DCC: variants seen among roughly 807,000 people sequenced by gnomAD.
DCC encodes the protein DCC netrin 1 receptor, also known as netrin receptor DCC.
In DCC, 58 loss-of-function variants were observed where a neutral mutation model predicts 172.5. The observed-to-expected ratio is 0.34, with a 90% CI of 0.27 to 0.42. DCC has a LOEUF of 0.42. Among genes scored for constraint, DCC ranks in the 10% least tolerant of loss-of-function variants. The pLI is 1.00. For synonymous variants in DCC, 709 were observed against 644.5 expected (o/e 1.10, Z -1.52); for missense variants, 1,740 against 1,791.0 (o/e 0.97, Z 0.51).
chr18:52,924,254 T>G (rs966907972), intron 4 of DCC, among the ~76,000 whole-genome samples: 15 of 152,148 alleles, frequency 9.9e-5, no homozygotes, highest in African/African-American at 3.6e-4. Flanking sequence ...TCAGTTCAAC[T>G]GTGATAATCA....
rs894352609 is a variant in DCC, at chr18:53,254,552, G to A, written c.1911+38955G>A. ...GAAATCTACATTCCTGGGAATACTTGTCCTTCTTCCCTATTCCTAACTGGT... is the reference window on the plus strand; with the variant it reads ...GAAATCTACATTCCTGGGAATACTTATCCTTCTTCCCTATTCCTAACTGGT... On this transcript the variant is annotated intron_variant, in intron 12 of 28. Coordinates refer to ENST00000442544, the MANE Select transcript of DCC (RefSeq NM_005215.4). 1.1e-4 allele frequency among the ~76,000 whole-genome samples: 17 copies of A among 152,134 alleles called. No homozygotes were observed. The South Asian group carries it at 3.3e-3, about 30-fold the overall frequency.
At chr18:53,053,965 A>G (rs2042368626) in intron 5 of DCC, among the ~76,000 whole-genome samples, 2 of 152,110 alleles carry the variant, frequency 1.3e-5, no homozygotes, top group African/African-American at 4.8e-5. Flanking sequence ...GTGATCATAT[A>G]TTTTATATAG....
intron 1 of DCC, among the ~76,000 whole-genome samples, chr18:52,351,735 AT>A (rs543607878): frequency 2.0e-5 from 3 of 152,154 alleles, no homozygotes; most frequent in East Asian, 1.9e-4. Context: ...CTAAACCTAA[AT>A]TTTTTTTGGA....
intron 1 of DCC, among the ~76,000 whole-genome samples, chr18:52,630,750 A>G (rs1221859): frequency 0.078 from 11,882 of 152,180 alleles, 622 homozygotes; most frequent in Middle Eastern, 0.13. Context: ...TAAGACTTGG[A>G]TCAGAAGATG....
At chr18:53,499,266 A>G in intron 26 of DCC, 32 bp from the exon 27 acceptor site, 1 of 1,610,134 alleles carries the variant, frequency 6.2e-7, no homozygotes, top group Non-Finnish European at 8.5e-7. Context: ...TTGTCCAGGA[A>G]TAATGAATGA....
intron 12 of DCC, among the ~76,000 whole-genome samples, chr18:53,255,629 A>C (rs932632222): frequency 5.9e-5 from 9 of 151,840 alleles, no homozygotes; most frequent in African/African-American, 1.7e-4. Flanking sequence ...GGACATTTGG[A>C]TTGGTTCCAA....
At chr18:53,451,031 T>C (rs1191526801) in intron 23 of DCC, among the ~76,000 whole-genome samples, 1 of 152,210 alleles carries the variant, frequency 6.6e-6, no homozygotes, top group Non-Finnish European at 1.5e-5. Flanking sequence ...AATGTGTTTC[T>C]CTGTGTGCAC....
chr18:52,761,170 T>C (rs2037154186), intron 2 of DCC, among the ~76,000 whole-genome samples: 2 of 152,170 alleles, frequency 1.3e-5, no homozygotes, highest in Non-Finnish European at 2.9e-5. Context: ...AGTCACATCT[T>C]ACATGGATGG....
At chr18:52,881,279 C>T (rs1485470171) in intron 2 of DCC, among the ~76,000 whole-genome samples, 2 of 151,938 alleles carry the variant, frequency 1.3e-5, no homozygotes, top group Non-Finnish European at 2.9e-5. Context: ...GGGTAGTTTG[C>T]AAATATTTTC....
chr18:53,068,791 G>GTGTGTGTATGTGTA (rs1043901069), intron 7 of DCC, among the ~76,000 whole-genome samples: 1 of 151,472 alleles, frequency 6.6e-6, no homozygotes, highest in Non-Finnish European at 1.5e-5. Flanking sequence ...GTGTGTGTGT[G>GTGTGTGTATGTGTA]TGTGTGTATG....
At chr18:52,989,749 A>C (rs1038242561) in intron 5 of DCC, among the ~76,000 whole-genome samples, 1 of 152,192 alleles carries the variant, frequency 6.6e-6, no homozygotes, top group Non-Finnish European at 1.5e-5. Flanking sequence ...TAATGACATA[A>C]TGGGAATTCT....
intron 15 of DCC, among the ~76,000 whole-genome samples, chr18:53,364,361 T>C (rs527796046): frequency 6.6e-6 from 1 of 152,230 alleles, no homozygotes; most frequent in East Asian, 1.9e-4. Context: ...AAATTGCCCC[T>C]GTTTTTTTCA....
rs1475885771 is a variant in DCC, at chr18:53,239,070, GCATTAGGAGATATACC to G, written c.1911+23474_1911+23489del. On this transcript the variant is annotated intron_variant, in intron 12 of 28. Coordinates refer to ENST00000442544, the MANE Select transcript of DCC (RefSeq NM_005215.4). ...GGAGTGGGGGGAGGGGGGAGGGATA[GCATTAGGAGATATACC>G]TAATGTAAGTGACGAATTAATGGGT... is the stretch of plus-strand genomic sequence containing the variant. Among the ~76,000 whole-genome samples, 3 of 151,260 alleles carry G rather than the reference GCATTAGGAGATATACC, an allele frequency of 2.0e-5. No individual in the cohort carries two copies. The East Asian group carries it at 5.9e-4, about 30-fold the overall frequency.
At chr18:52,976,296 T>A (rs193247516) in intron 5 of DCC, among the ~76,000 whole-genome samples, 1 of 152,286 alleles carries the variant, frequency 6.6e-6, no homozygotes, top group East Asian at 1.9e-4. Context: ...ATTCTGTAGG[T>A]TGTCTGTTTG....
chr18:52,794,135 T>G (rs1225791918), intron 2 of DCC, among the ~76,000 whole-genome samples: 1 of 152,170 alleles, frequency 6.6e-6, no homozygotes, highest in Non-Finnish European at 1.5e-5. Flanking sequence ...ATTCAGAATC[T>G]TTTGTGTTTC....
At chr18:52,791,695 C>T (rs995351596) in intron 2 of DCC, among the ~76,000 whole-genome samples, 1 of 152,030 alleles carries the variant, frequency 6.6e-6, no homozygotes. Context: ...GATTATGTGA[C>T]AGTTGCATTT....
At chr18:53,307,915 A>ATATG (rs1482893988) in intron 13 of DCC, among the ~76,000 whole-genome samples, 2 of 50,960 alleles carry the variant, frequency 3.9e-5, no homozygotes, top group Non-Finnish European at 9.5e-5. Flanking sequence ...ATATATATAT[A>ATATG]TATATATATA....
Position 53,289,348 on chromosome 18 carries a change from A to G in DCC, c.1912-16230A>G, listed in dbSNP as rs1016184764. Among the ~76,000 whole-genome samples the G allele has an allele frequency of 2.6e-5, 4 of 152,286 alleles. No homozygotes were observed. The South Asian group carries it at 6.2e-4, about 24-fold the overall frequency. ...GACTGGGTAATATTATTTGTGTTTC[A>G]TGATTGATCAAATCATAATCATTCT... On this transcript the variant is annotated intron_variant, in intron 12 of 28. Transcript: ENST00000442544.
At chr18:53,484,800 A>AT (rs756075543) in intron 25 of DCC, among the ~76,000 whole-genome samples, 5 of 152,010 alleles carry the variant, frequency 3.3e-5, no homozygotes, top group South Asian at 2.1e-4. Flanking sequence ...AAATTTTAAG[A>AT]TTTTTTTCTA....
Sources: gnomAD v4.1 joint callset for allele counts (sites outside exome capture counted in the v4.1 genomes callset) on GRCh38, gnomAD v4.1.1 for gene constraint, MANE v1.5 for transcripts, NCBI Gene and HGNC (gene_info 2026-07-23, HGNC 2026-07-21) for gene names.